Variants in PALM2AKAP2 observed in about 807,000 individuals in gnomAD.
PALM2AKAP2 encodes the protein PALM2 and AKAP2 fusion.
PALM2AKAP2 carries 37 observed loss-of-function variants against 71.5 expected under a neutral mutation model. The observed-to-expected ratio is 0.52, with a 90% CI of 0.40 to 0.68. The LOEUF is 0.68. Among genes scored for constraint, PALM2AKAP2 ranks in the 30% least tolerant of loss-of-function variants. The pLI, the probability that PALM2AKAP2 is intolerant of heterozygous loss-of-function variation, is 0.00. For missense variants in PALM2AKAP2, 1,224 were observed against 1,191.8 expected, an observed-to-expected ratio of 1.03 and a Z score of -0.40; for synonymous variants, 468 against 478.8, an observed-to-expected ratio of 0.98 and a Z score of 0.29.
chr9:110,141,394 A>G (rs1836024686), intron 2 of PALM2AKAP2, among the ~76,000 whole-genome samples: 1 of 152,164 alleles, frequency 6.6e-6, no homozygotes, highest in African/African-American at 2.4e-5. Flanking sequence ...ATATGCATAC[A>G]TGTCATTCCT....
chr9:109,719,605 A>G (rs771762607), intron 1 of PALM2AKAP2, among the ~76,000 whole-genome samples: 1 of 152,212 alleles, frequency 6.6e-6, no homozygotes, highest in Non-Finnish European at 1.5e-5. Context: ...CACTATTGTG[A>G]TGATGAAATG....
At chr9:109,931,173 C>A (rs566338759) in intron 5 of PALM2AKAP2, among the ~76,000 whole-genome samples, 1 of 152,290 alleles carries the variant, frequency 6.6e-6, no homozygotes, top group South Asian at 2.1e-4. Context: ...TCCTCTGATA[C>A]CTTGGCATGC....
At chr9:109,839,012 G>A (rs868122610) in intron 1 of PALM2AKAP2, among the ~76,000 whole-genome samples, 19 of 152,268 alleles carry the variant, frequency 1.2e-4, no homozygotes, top group South Asian at 4.1e-4. Flanking sequence ...AGGAAAAGAG[G>A]GAATCCTTCC....
At chr9:109,671,452 A>G (rs1827571304) in intron 1 of PALM2AKAP2, among the ~76,000 whole-genome samples, 1 of 152,088 alleles carries the variant, frequency 6.6e-6, no homozygotes, top group Non-Finnish European at 1.5e-5. Context: ...ATTCTATTCC[A>G]TTGGTCTATG....
intron 1 of PALM2AKAP2, among the ~76,000 whole-genome samples, chr9:109,764,828 A>C (rs1280967983): frequency 6.8e-6 from 1 of 147,296 alleles, no homozygotes; most frequent in African/African-American, 2.5e-5. Context: ...TTTAAAAAAA[A>C]GAAAAGAAAA....
chr9:110,101,963 T>C (rs897878416), intron 1 of PALM2AKAP2, among the ~76,000 whole-genome samples: 35 of 152,226 alleles, frequency 2.3e-4, no homozygotes, highest in African/African-American at 8.0e-4. Context: ...GAGCTGCTGC[T>C]GATGGGCACT....
chr9:109,913,122 C>T (rs1299246693), intron 3 of PALM2AKAP2, among the ~76,000 whole-genome samples: 1 of 152,194 alleles, frequency 6.6e-6, no homozygotes, highest in East Asian at 1.9e-4. Flanking sequence ...TTTTCAGCTG[C>T]CTGCCACCTT....
chr9:110,084,611 TA>T (rs1172553174), intron 1 of PALM2AKAP2, among the ~76,000 whole-genome samples: 4 of 152,230 alleles, frequency 2.6e-5, no homozygotes, highest in African/African-American at 9.6e-5. Flanking sequence ...CTAGATTACT[TA>T]TGATAGCTAA....
chr9:109,748,296 C>T (rs999084819), intron 1 of PALM2AKAP2, among the ~76,000 whole-genome samples: 4 of 152,120 alleles, frequency 2.6e-5, no homozygotes, highest in African/African-American at 7.2e-5. Flanking sequence ...TTGGGCTGCC[C>T]TTCTGCAGTT....
At chr9:109,967,273 A>C (rs1211004174) in intron 6 of PALM2AKAP2, among the ~76,000 whole-genome samples, 2 of 152,170 alleles carry the variant, frequency 1.3e-5, no homozygotes, top group Non-Finnish European at 1.5e-5. Context: ...CTCAAGACAG[A>C]GAACCAGGCA....
chr9:109,749,183 T>C (rs1458185058), intron 1 of PALM2AKAP2, among the ~76,000 whole-genome samples: 1 of 152,204 alleles, frequency 6.6e-6, no homozygotes, highest in African/African-American at 2.4e-5. Context: ...TCCCTTGGTC[T>C]GCCCGTTAGT....
At chr9:109,907,781 G>T (rs1007934029) in intron 3 of PALM2AKAP2, among the ~76,000 whole-genome samples, 2 of 152,156 alleles carry the variant, frequency 1.3e-5, no homozygotes, top group African/African-American at 4.8e-5. Flanking sequence ...TGTCAAGCAC[G>T]GAAAACACAG....
At chr9:109,891,780 C>T (rs1057042123) in intron 3 of PALM2AKAP2, among the ~76,000 whole-genome samples, 3 of 152,060 alleles carry the variant, frequency 2.0e-5, no homozygotes, top group Non-Finnish European at 4.4e-5. Context: ...TGTGAATCCC[C>T]GTGCCTGGCC....
intron 1 of PALM2AKAP2, among the ~76,000 whole-genome samples, chr9:109,739,419 C>A (rs1828685700): frequency 6.6e-6 from 1 of 152,186 alleles, no homozygotes; most frequent in Admixed American, 6.5e-5. Flanking sequence ...GATGTCATGA[C>A]TGAAGGCTTT....
At chr9:110,132,032 C>CGT (rs3063946) in intron 1 of PALM2AKAP2, among the ~76,000 whole-genome samples, 10,561 of 147,396 alleles carry the variant, frequency 0.072, 412 homozygotes, top group East Asian at 0.2. Context: ...AAGTAACTAG[C>CGT]GTGTGTGTGT....
At chr9:109,698,034 G>C (rs1265068943) in intron 1 of PALM2AKAP2, among the ~76,000 whole-genome samples, 3 of 152,154 alleles carry the variant, frequency 2.0e-5, no homozygotes, top group African/African-American at 2.4e-5. Context: ...ATTACATTAA[G>C]AATCAAACAT....
At chr9:109,714,140 A>G (rs1828283328) in intron 1 of PALM2AKAP2, among the ~76,000 whole-genome samples, 1 of 152,270 alleles carries the variant, frequency 6.6e-6, no homozygotes, top group South Asian at 2.1e-4. Context: ...ATTTCATGTC[A>G]AAAACCAAAT....
intron 1 of PALM2AKAP2, among the ~76,000 whole-genome samples, chr9:110,135,164 A>AAAAAAAAAAAAAAAAAAAAAAAATAT: frequency 1.9e-5 from 1 of 51,744 alleles, no homozygotes. Flanking sequence ...AAAAAAAAAA[A>AAAAAAAAAAAAAAAAAAAAAAAATAT]ATATATAAAT....
intron 1 of PALM2AKAP2, among the ~76,000 whole-genome samples, chr9:109,763,431 C>A (rs1464179802): frequency 6.6e-6 from 1 of 152,154 alleles, no homozygotes; most frequent in Admixed American, 6.5e-5. Context: ...CTTCTCTGTG[C>A]CTCAGTTTCT....
Sources: allele counts gnomAD v4.1 joint callset (sites outside exome capture counted in the v4.1 genomes callset), GRCh38; gene constraint gnomAD v4.1.1; transcripts MANE v1.5; gene names NCBI Gene and HGNC (gene_info 2026-07-23, HGNC 2026-07-21).